The following POTEG variants were observed in gnomAD, a reference collection of about 807,000 sequenced individuals.
POTEG encodes the protein ANKRD26-like family C member 2.
A neutral mutation model predicts 49.6 loss-of-function variants in POTEG; 2 were observed. The ratio of observed to expected loss-of-function variants is 0.04; its 90% confidence interval spans 0.02 to 0.13. POTEG has a LOEUF of 0.13. Among genes scored for constraint, POTEG ranks in the 10% least tolerant of loss-of-function variants. POTEG has a pLI of 1.00. For missense variants in POTEG, 26 were observed against 545.2 expected (o/e 0.05, Z 9.48); for synonymous variants, 7 against 186.6 (o/e 0.04, Z 7.84).
rs1366400085 is a variant in POTEG at position 19,432,386 on chromosome 14, A to ACACATG, written c.521+1382_521+1383insCATGTG. ...ATTTTGTATATATATATATATATAT[A>ACACATG]TATATATATATATATATACACACAC... On this transcript the variant is annotated intron_variant, in intron 1 of 10. Coordinates refer to ENST00000547848, the MANE Select transcript of POTEG (RefSeq NM_001005356.3). Among the ~76,000 whole-genome samples, 147 of 76,230 alleles carry ACACATG rather than the reference A, an allele frequency of 1.9e-3. 1 individual carries two copies. Among genetic ancestry groups the ACACATG allele is most frequent in the Non-Finnish European group, 3.1e-3 (108 of 34,440 alleles). 50.0% of individuals were successfully genotyped at this position (76,230 alleles called of 152,430 possible).
intron 6 of POTEG, among the ~76,000 whole-genome samples, chr14:19,416,840 G>GT (rs1883592478): frequency 1.4e-5 from 1 of 72,750 alleles, no homozygotes; most frequent in African/African-American, 5.3e-5. Context: ...GTCTTGCTCT[G>GT]TCACCAGGCT....
intron 7 of POTEG, among the ~76,000 whole-genome samples, chr14:19,415,593 G>A (rs1401945503): frequency 6.7e-6 from 1 of 149,416 alleles, no homozygotes; most frequent in Admixed American, 6.7e-5. Context: ...TCATGTTAGG[G>A]TGTTGTAAAA....
chr14:19,414,235 A>G (rs1883458037), intron 8 of POTEG, among the ~76,000 whole-genome samples: 1 of 138,730 alleles, frequency 7.2e-6, no homozygotes, highest in Admixed American at 7.3e-5. Context: ...CACAGAATAA[A>G]AAATTATCTA....
intron 1 of POTEG, among the ~76,000 whole-genome samples, chr14:19,432,397 T>TATCTGC (rs1884179577): frequency 1.1e-5 from 1 of 92,626 alleles, no homozygotes; most frequent in African/African-American, 4.0e-5. Context: ...TATATATATA[T>TATCTGC]ATATATACAC....
chr14:19,432,460 A>ATATACG (rs1884199304), intron 1 of POTEG, among the ~76,000 whole-genome samples: 1 of 87,004 alleles, frequency 1.1e-5, no homozygotes, highest in African/African-American at 5.0e-5. Flanking sequence ...ATATATATAC[A>ATATACG]TATATACATA....
chr14:19,431,602 TGTTTG>T (rs1884144809), intron 1 of POTEG, among the ~76,000 whole-genome samples: 160 of 67,842 alleles, frequency 2.4e-3, no homozygotes, highest in African/African-American at 3.7e-3. Context: ...TCATTCCTTT[TGTTTG>T]TTTGTTTTTT....
intron 6 of POTEG, among the ~76,000 whole-genome samples, chr14:19,418,949 G>A (rs1300375083): frequency 1.2e-5 from 1 of 81,864 alleles, no homozygotes; most frequent in African/African-American, 6.1e-5. Flanking sequence ...AACAATTAAT[G>A]TTATTTCTTA....
intron 3 of POTEG, chr14:19,426,828 T>C (rs1883967746): frequency 2.4e-6 from 1 of 420,884 alleles, no homozygotes; most frequent in African/African-American, 2.1e-5. Context: ...ACCTCATCTC[T>C]ACTAAAAAAA....
At chr14:19,432,467 C>CAT (rs1214083524) in intron 1 of POTEG, among the ~76,000 whole-genome samples, 12 of 44,166 alleles carry the variant, frequency 2.7e-4, no homozygotes, top group Middle Eastern at 0.019. Context: ...TACATATATA[C>CAT]ATATATATAC....
chr14:19,432,401 T>TACAC (rs1400739856), intron 1 of POTEG, among the ~76,000 whole-genome samples: 26 of 69,348 alleles, frequency 3.7e-4, no homozygotes, highest in Non-Finnish European at 6.4e-4. Flanking sequence ...TATATATATA[T>TACAC]ATACACACAC....
intron 7 of POTEG, among the ~76,000 whole-genome samples, chr14:19,415,337 A>G (rs1170230399): frequency 7.0e-6 from 1 of 143,694 alleles, no homozygotes; most frequent in East Asian, 2.0e-4. Flanking sequence ...ATTCTGCAAG[A>G]TATGATTCCT....
At chr14:19,432,432 G>A (rs375115933) in intron 1 of POTEG, among the ~76,000 whole-genome samples, 2,452 of 62,450 alleles carry the variant, frequency 0.039, 4 homozygotes, top group Non-Finnish European at 0.049. Flanking sequence ...ATGTATATAC[G>A]TATATATATA....
At chr14:19,414,341 G>A (rs1395776282) in intron 8 of POTEG, among the ~76,000 whole-genome samples, 2 of 145,734 alleles carry the variant, frequency 1.4e-5, no homozygotes, top group Non-Finnish European at 3.1e-5. Context: ...AGCATTTTAT[G>A]GCACCATTCG....
chr14:19,415,750 A>C (rs1225662951), intron 7 of POTEG, among the ~76,000 whole-genome samples: 3 of 152,098 alleles, frequency 2.0e-5, no homozygotes, highest in Non-Finnish European at 2.9e-5. Flanking sequence ...TAAATATCAA[A>C]TATTAAATTA....
Position 19,419,017 on chromosome 14 carries a change from C to A in POTEG, c.1126+2607G>T, listed in dbSNP as rs201028247. 2.3e-3 allele frequency among the ~76,000 whole-genome samples: 250 copies of A among 106,386 alleles called. 1 individual carries two copies. The highest frequency in any genetic ancestry group is 5.4e-3 in the East Asian group (13 of 2,428). 69.8% of individuals were successfully genotyped at this position (106,386 alleles called of 152,430 possible). On this transcript the variant is annotated intron_variant, in intron 6 of 10. Coordinates refer to ENST00000547848, the MANE Select transcript of POTEG (RefSeq NM_001005356.3). ...AGCATAACACCAAAAAAAAAAAAAA[C>A]AAAAACAAAGGCCAACATATTAAAA...
chr14:19,426,152 T>C (rs1379545684), intron 3 of POTEG, among the ~76,000 whole-genome samples: 1 of 146,560 alleles, frequency 6.8e-6, no homozygotes, highest in Non-Finnish European at 1.5e-5. Context: ...TACTGAAAGT[T>C]CAACCTCCAA....
chr14:19,425,526 T>A, intron 4 of POTEG, 80 bp downstream of exon 4: 1 of 551,276 alleles, frequency 1.8e-6, no homozygotes, highest in Non-Finnish European at 2.7e-6. Flanking sequence ...CCAATAAGTA[T>A]ACATTAATCT....
At chr14:19,432,379 T>TAC (rs1884172420) in intron 1 of POTEG, among the ~76,000 whole-genome samples, 5 of 62,228 alleles carry the variant, frequency 8.0e-5, no homozygotes, top group Middle Eastern at 7.7e-3. Flanking sequence ...TATATATATA[T>TAC]ATATATATAT....
intron 7 of POTEG, among the ~76,000 whole-genome samples, chr14:19,415,290 A>C (rs1381187997): frequency 7.0e-6 from 1 of 142,110 alleles, no homozygotes; most frequent in Non-Finnish European, 1.6e-5. Flanking sequence ...AATAAATTAG[A>C]ATGTTATTGT....
Sources: allele counts gnomAD v4.1 joint callset (sites outside exome capture counted in the v4.1 genomes callset), GRCh38; gene constraint gnomAD v4.1.1; transcripts MANE v1.5; gene names NCBI Gene and HGNC (gene_info 2026-07-23, HGNC 2026-07-21).